Variants in TMTC2 observed in about 807,000 individuals in gnomAD.
TMTC2 encodes the protein transmembrane O-mannosyltransferase targeting cadherins 2, also known as protein O-mannosyl-transferase TMTC2.
TMTC2 carries 43 observed loss-of-function variants against 82.4 expected under a neutral mutation model. The observed-to-expected ratio is 0.52, with a 90% confidence interval of 0.41 to 0.67. TMTC2 has a LOEUF of 0.67. Among genes scored for constraint, TMTC2 ranks in the 30% least tolerant of loss-of-function variants. TMTC2 has a pLI of 0.00. For synonymous variants in TMTC2, 408 were observed against 381.9 expected (o/e 1.07, Z -0.80); for missense variants, 919 against 1,012.4 (o/e 0.91, Z 1.25).
At chr12:82,914,155 G>A (rs916523149) in intron 3 of TMTC2, among the ~76,000 whole-genome samples, 1 of 152,144 alleles carries the variant, frequency 6.6e-6, no homozygotes, top group Admixed American at 6.6e-5. Flanking sequence ...CAGAAGAAAT[G>A]CTTTAAAATG....
chr12:82,795,713 G>A (rs187882393), intron 1 of TMTC2, among the ~76,000 whole-genome samples: 1 of 152,224 alleles, frequency 6.6e-6, no homozygotes, highest in East Asian at 1.9e-4. Flanking sequence ...GTGGAGACAC[G>A]ATGTTTCTCC....
intron 10 of TMTC2, among the ~76,000 whole-genome samples, chr12:83,058,951 T>TTAA (rs1179301501): frequency 6.6e-6 from 1 of 151,846 alleles, no homozygotes. Context: ...TAAAATGTGG[T>TTAA]TAATAATAAT....
chr12:82,936,849 T>C (rs10862524), intron 4 of TMTC2, among the ~76,000 whole-genome samples: 83,344 of 152,026 alleles, frequency 0.55, 25,602 homozygotes, highest in East Asian at 0.79. Flanking sequence ...TTATTCATTA[T>C]TGTATCCCCC....
chr12:83,111,648 C>A (rs1244450371), intron 11 of TMTC2, among the ~76,000 whole-genome samples: 2 of 151,940 alleles, frequency 1.3e-5, no homozygotes, highest in East Asian at 1.9e-4. Context: ...TATTTTACTT[C>A]TTTTTGTTTC....
chr12:83,056,435 T>C (rs566767725), intron 10 of TMTC2, among the ~76,000 whole-genome samples: 2 of 152,146 alleles, frequency 1.3e-5, no homozygotes, highest in African/African-American at 4.8e-5. Context: ...AGAATCATTA[T>C]CTTTTAATTT....
At chr12:82,754,849 T>C (rs1876215636) in intron 1 of TMTC2, among the ~76,000 whole-genome samples, 1 of 152,234 alleles carries the variant, frequency 6.6e-6, no homozygotes, top group South Asian at 2.1e-4. Context: ...CTGGAAATTT[T>C]TTATATTTGA....
intron 9 of TMTC2, 35 bp downstream of exon 9, chr12:83,030,914 A>C: frequency 6.9e-7 from 1 of 1,458,158 alleles, no homozygotes; most frequent in Non-Finnish European, 9.6e-7. Context: ...CATGTCCCCC[A>C]CATTTACTAT....
intron 2 of TMTC2, among the ~76,000 whole-genome samples, chr12:82,872,768 G>C (rs1392305937): frequency 6.6e-6 from 1 of 152,018 alleles, no homozygotes; most frequent in African/African-American, 2.4e-5. Context: ...TTCGATATCT[G>C]AGCTTTCCTC....
intron 11 of TMTC2, among the ~76,000 whole-genome samples, chr12:83,070,109 C>T (rs912444648): frequency 6.6e-6 from 1 of 152,130 alleles, no homozygotes; most frequent in East Asian, 1.9e-4. Context: ...AGTTTGAAAT[C>T]AGGTAGTATA....
intron 4 of TMTC2, among the ~76,000 whole-genome samples, chr12:82,962,462 G>A (rs904906915): frequency 1.3e-5 from 2 of 152,102 alleles, no homozygotes; most frequent in East Asian, 1.9e-4. Flanking sequence ...AGAATAGGTG[G>A]GCTTAGTAGA....
At chr12:82,958,401 TC>T (rs1302639210) in intron 4 of TMTC2, among the ~76,000 whole-genome samples, 1 of 138,612 alleles carries the variant, frequency 7.2e-6, no homozygotes, top group Non-Finnish European at 1.5e-5. Context: ...CTGACCAATA[TC>T]CCTAATGAAC....
intron 3 of TMTC2, among the ~76,000 whole-genome samples, chr12:82,928,888 G>A (rs753748943): frequency 2.4e-4 from 36 of 152,194 alleles, no homozygotes; most frequent in Non-Finnish European, 3.8e-4. Context: ...CTTTGCAAAC[G>A]TGAAGGATTT....
At position 83,061,830 on chromosome 12, in the gene TMTC2, A is replaced by T; in HGVS notation, c.2330A>T (p.Asn777Ile). Residue 777 changes from asparagine (N) to isoleucine (I), a missense_variant and splice_region_variant, in exon 11 of 12, where the codon AAT becomes ATT. By Grantham distance (149) the Asn-to-Ile change is moderately radical. Transcript: ENST00000321196. Reference protein sequence around the residue: ...YYDLAARLRPNYPAALMNLGA... With the variant: ...YYDLAARLRPIYPAALMNLGA... ...GATCTGGCAGCCAGGCTGAGGCCTA[A>T]TGTAAGTACTTCCCTAATGAGAAAC... is the stretch of plus-strand genomic sequence containing the variant. 1 of 1,594,264 alleles carries T rather than the reference A, an allele frequency of 6.3e-7. No individual in the cohort carries two copies. The highest frequency in any genetic ancestry group is 8.5e-7 in the Non-Finnish European group (1 of 1,170,460).
chr12:82,974,231 A>G (rs1252837918), intron 7 of TMTC2, among the ~76,000 whole-genome samples: 1 of 152,058 alleles, frequency 6.6e-6, no homozygotes, highest in Non-Finnish European at 1.5e-5. Flanking sequence ...GACACACACA[A>G]CTGTTTTCTG....
intron 1 of TMTC2, among the ~76,000 whole-genome samples, chr12:82,853,002 G>T (rs1158891264): frequency 6.6e-6 from 1 of 151,990 alleles, no homozygotes; most frequent in Non-Finnish European, 1.5e-5. Context: ...AGTATAGTAT[G>T]TTTTTCACAT....
chr12:82,815,280 C>T (rs924624096), intron 1 of TMTC2, among the ~76,000 whole-genome samples: 4 of 140,724 alleles, frequency 2.8e-5, no homozygotes, highest in South Asian at 2.2e-4. Flanking sequence ...CATTCTTTTG[C>T]GCATTTATTT....
Position 83,132,248 on chromosome 12 carries a change from C to T in TMTC2, c.2370C>T (p.His790=). The T allele has an allele frequency of 6.2e-7, 1 of 1,613,776 alleles. No individual in the cohort carries two copies. The highest frequency in any genetic ancestry group is 1.7e-4 in the Middle Eastern group (1 of 6,056). ...AALMNLGAIL[H]LNGRLQKAEA... Reference sequence around the variant, plus strand: ...TGATGAACCTGGGAGCCATTCTGCACCTCAATGGCAGACTCCAGAAGGCCG... The same window carrying T: ...TGATGAACCTGGGAGCCATTCTGCATCTCAATGGCAGACTCCAGAAGGCCG... The change falls in exon 12 of 12, where the codon CAC becomes CAT. Residue 790 remains histidine (H), a synonymous_variant. Coordinates refer to ENST00000321196, the MANE Select transcript of TMTC2 (RefSeq NM_152588.3).
intron 4 of TMTC2, among the ~76,000 whole-genome samples, chr12:82,938,981 T>A (rs146276354): frequency 1.2e-3 from 179 of 152,304 alleles, no homozygotes; most frequent in African/African-American, 4.2e-3. Flanking sequence ...TTTTTGACTT[T>A]TTTACGTGTG....
chr12:83,004,019 T>C (rs1197355629), intron 8 of TMTC2, among the ~76,000 whole-genome samples: 1 of 152,204 alleles, frequency 6.6e-6, no homozygotes, highest in African/African-American at 2.4e-5. Context: ...AATTGCAGTT[T>C]TGATCTCTTT....
Sources: gnomAD v4.1 joint callset for allele counts (sites outside exome capture counted in the v4.1 genomes callset) on GRCh38, gnomAD v4.1.1 for gene constraint, MANE v1.5 for transcripts, NCBI Gene and HGNC (gene_info 2026-07-23, HGNC 2026-07-21) for gene names.